The following TRMT5 variants were observed in gnomAD, a reference collection of about 807,000 sequenced individuals.
The protein encoded by TRMT5 is tRNA (guanine(37)-N(1))-methyltransferase.
TRMT5 carries 31 observed loss-of-function variants against 42.2 expected under a neutral mutation model. The ratio of observed to expected loss-of-function variants is 0.73; its 90% CI spans 0.55 to 0.99. The LOEUF (loss-of-function observed/expected upper bound fraction) is 0.99. Among genes scored for constraint, TRMT5 ranks in the 50% least tolerant of loss-of-function variants. TRMT5 has a pLI of 0.00. For missense variants in TRMT5, 568 were observed against 595.0 expected (o/e 0.95, Z 0.47); for synonymous variants, 198 against 209.6 (o/e 0.94, Z 0.48).
rs2036786007 is a variant in TRMT5 at position 60,972,268 on chromosome 14, C to A, written c.*2841G>T. On this transcript the variant is annotated 3_prime_UTR_variant, in exon 5 of 5. Transcript: ENST00000261249. ...CTTCACTTGGGATCTCCAGCACCTT[C>A]CCGCTCCTTGCCAGCATCAGCTTTT... The A allele has an allele frequency of 3.8e-6, 2 of 532,518 alleles. No individual in the cohort carries two copies. Among genetic ancestry groups the A allele is most frequent in the Non-Finnish European group, 7.5e-6 (2 of 266,856 alleles). The allele number at this position is 532,518 out of a possible 1,614,324, so 33.0% of individuals were successfully genotyped here.
upstream of TRMT5, chr14:60,981,226 A>T: frequency 6.4e-7 from 1 of 1,558,562 alleles, no homozygotes; most frequent in African/African-American, 1.4e-5. Flanking sequence ...ACTGGAGCGC[A>T]GGGCAGGGGT....
chr14:60,978,083 G>T (rs1174051133), intron 2 of TRMT5, among the ~76,000 whole-genome samples: 1 of 152,024 alleles, frequency 6.6e-6, no homozygotes, highest in South Asian at 2.1e-4. Flanking sequence ...CTATGGCTTT[G>T]GAACAAATGC....
intron 3 of TRMT5, among the ~76,000 whole-genome samples, chr14:60,976,342 G>A (rs1240549346): frequency 4.6e-5 from 7 of 152,130 alleles, no homozygotes; most frequent in African/African-American, 1.2e-4. Context: ...AGACTTATTC[G>A]TGAGAAAAAG....
At position 60,975,941 on chromosome 14, in the gene TRMT5, A is replaced by G. The variant is rs753406110; in HGVS notation, c.978T>C (p.Asn326=). ...ATTTATGAGATTCAGGATTGAGATC[A>G]TTGGCAAATACAGTGCAGTTTTTCT... is the stretch of plus-strand genomic sequence containing the variant. ...VAKKNCTVFA[N]DLNPESHKWL... is the part of the protein sequence containing the mutation. Residue 326 remains asparagine, a synonymous_variant, in exon 4 of 5, where the codon AAT becomes AAC. Transcript: ENST00000261249. 4 of 1,614,228 alleles carry G rather than the reference A, an allele frequency of 2.5e-6. No homozygotes were observed. The highest frequency in any genetic ancestry group is 8.5e-7 in the Non-Finnish European group (1 of 1,180,044).
intron 1 of TRMT5, 132 bp from the exon 2 acceptor site, chr14:60,980,018 T>C: frequency 9.7e-7 from 1 of 1,029,166 alleles, no homozygotes; most frequent in South Asian, 1.9e-5. Context: ...ATACTATCTT[T>C]TCCAGACTAG....
chr14:60,981,019 C>G lies in TRMT5; in HGVS notation c.-46G>C. 1 of 1,611,216 alleles carries G rather than the reference C, an allele frequency of 6.2e-7. No homozygotes were observed. Among genetic ancestry groups the G allele is most frequent in the Non-Finnish European group, 8.5e-7 (1 of 1,180,022 alleles). On this transcript the variant is annotated 5_prime_UTR_variant, in exon 1 of 5. Coordinates refer to ENST00000261249, the MANE Select transcript of TRMT5 (RefSeq NM_020810.3). ...TGCAGCTGGATCCGCGAGCCGACCCCTCACCTCCCGCTCCGGTACCGATCG... is the reference window on the plus strand; with the variant it reads ...TGCAGCTGGATCCGCGAGCCGACCCGTCACCTCCCGCTCCGGTACCGATCG...
chr14:60,975,006 A>G lies in TRMT5; in HGVS notation c.*103T>C. ...CAATTTGTAAAATAAGGCAAAGTACAAGGGTTCAATAGTAAAAACCAAACC... is the reference window on the plus strand; with the variant it reads ...CAATTTGTAAAATAAGGCAAAGTACGAGGGTTCAATAGTAAAAACCAAACC... On this transcript the variant is annotated 3_prime_UTR_variant, in exon 5 of 5. Coordinates refer to ENST00000261249, the MANE Select transcript of TRMT5 (RefSeq NM_020810.3). The G allele has an allele frequency of 1.2e-6, 1 of 839,732 alleles. No homozygotes were observed. The highest frequency in any genetic ancestry group is 1.8e-6 in the Non-Finnish European group (1 of 554,878). 52.0% of individuals were successfully genotyped at this position (839,732 alleles called of 1,614,324 possible).
At chr14:60,975,438 G>A (rs2036832226) in intron 4 of TRMT5, 37 bp downstream of exon 4, 1 of 1,585,222 alleles carries the variant, frequency 6.3e-7, no homozygotes, top group African/African-American at 1.4e-5. Context: ...ACAATTGAAT[G>A]GCAAGGTTTA....
chr14:60,977,127 TAA>T (rs1272356540), intron 3 of TRMT5, among the ~76,000 whole-genome samples: 1 of 152,170 alleles, frequency 6.6e-6, no homozygotes, highest in Admixed American at 6.5e-5. Context: ...TTCTGCCAAC[TAA>T]AAGTCTTTCT....
rs1382784227 is a variant in TRMT5, at chr14:60,974,995, A to G, written c.*114T>C. The G allele has an allele frequency of 3.0e-6, 2 of 670,286 alleles. No homozygotes were observed. The highest frequency in any genetic ancestry group is 4.6e-6 in the Non-Finnish European group (2 of 431,450). The allele number at this position is 670,286 out of a possible 1,614,324, so 41.5% of individuals were successfully genotyped here. On this transcript the variant is annotated 3_prime_UTR_variant, in exon 5 of 5. Coordinates refer to ENST00000261249, the MANE Select transcript of TRMT5 (RefSeq NM_020810.3). Reference sequence around the variant, plus strand: ...TTGGTAATCCTCAATTTGTAAAATAAGGCAAAGTACAAGGGTTCAATAGTA... The same window carrying G: ...TTGGTAATCCTCAATTTGTAAAATAGGGCAAAGTACAAGGGTTCAATAGTA...
Position 60,975,783 on chromosome 14 carries a change from T to C in TRMT5, c.1136A>G (p.Lys379Arg), listed in dbSNP as rs532068470. ...MQLLGLSKER[K>R]PSVHVVMNLP... Reference sequence around the variant, plus strand: ...GTTCATGACAACGTGCACAGAGGGTTTTCTTTCTTTTGACAGACCCAGCAG... The same window carrying C: ...GTTCATGACAACGTGCACAGAGGGTCTTCTTTCTTTTGACAGACCCAGCAG... Residue 379 changes from lysine to arginine, a missense_variant, in exon 4 of 5, where the codon AAA becomes AGA. By Grantham distance (26) the Lys-to-Arg change is conservative. Transcript: ENST00000261249. 57 of 1,614,238 alleles carry C rather than the reference T, an allele frequency of 3.5e-5. 1 individual carries two copies. The South Asian group carries it at 6.3e-4, about 18-fold the overall frequency.
chr14:60,981,173 C>T (rs772120941), upstream of TRMT5: 9 of 1,533,872 alleles, frequency 5.9e-6, no homozygotes, highest in African/African-American at 4.1e-5. Flanking sequence ...TACGGAATGC[C>T]GGAAGGGCCG....
In TRMT5 at chr14:60,980,661, C is replaced by A. The variant is rs2036948353; in HGVS notation, c.11+302G>T. ...ACTTGTAAGGGGAAAGGGCCCTGTC[C>A]CAGAATCCTGTAAAGCAACGAAGTC... On this transcript the variant is annotated intron_variant, in intron 1 of 4. Transcript: ENST00000261249. 2.6e-5 allele frequency among the ~76,000 whole-genome samples: 4 copies of A among 152,136 alleles called. No individual in the cohort carries two copies. The South Asian group carries it at 8.3e-4, about 32-fold the overall frequency.
chr14:60,975,965 C>T lies in TRMT5; in HGVS notation c.954G>A (p.Lys318=). Residue 318 remains lysine, a synonymous_variant, in exon 4 of 5, where the codon AAG becomes AAA. Coordinates refer to ENST00000261249, the MANE Select transcript of TRMT5 (RefSeq NM_020810.3). ...GVGPFAIPVA[K]KNCTVFANDL... ...CATTGGCAAATACAGTGCAGTTTTT[C>T]TTTGCTACTGGAATGGCAAAGGGCC... is the stretch of plus-strand genomic sequence containing the variant. The T allele has an allele frequency of 6.2e-7, 1 of 1,614,142 alleles. No individual in the cohort carries two copies. The highest frequency in any genetic ancestry group is 1.1e-5 in the South Asian group (1 of 91,076).
chr14:60,978,957 A>G (rs1415622310), intron 2 of TRMT5, among the ~76,000 whole-genome samples: 1 of 152,140 alleles, frequency 6.6e-6, no homozygotes, highest in African/African-American at 2.4e-5. Flanking sequence ...TCTCTCCTCA[A>G]TGTAGCTGCC....
At chr14:60,979,061 T>C (rs890242302) in intron 2 of TRMT5, among the ~76,000 whole-genome samples, 170 bp downstream of exon 2, 3 of 152,148 alleles carry the variant, frequency 2.0e-5, no homozygotes, top group Non-Finnish European at 4.4e-5. Flanking sequence ...AAAGAAGATA[T>C]TTCAAAATGG....
intron 3 of TRMT5, among the ~76,000 whole-genome samples, chr14:60,976,631 T>C (rs2036851951): frequency 6.6e-6 from 1 of 152,214 alleles, no homozygotes; most frequent in Non-Finnish European, 1.5e-5. Flanking sequence ...CCATGGTAGA[T>C]GTGTCACTCA....
Position 60,975,632 on chromosome 14 carries a change from C to T in TRMT5, c.1287G>A (p.Glu429=). ...CAGCTCCAGCCCTTTGCCGAACATCCTCAGCAGGGTTAGCATCTTTGGAAA... is the reference window on the plus strand; with the variant it reads ...CAGCTCCAGCCCTTTGCCGAACATCTTCAGCAGGGTTAGCATCTTTGGAAA... ...YSFSKDANPA[E]DVRQRAGAVL... is the part of the protein sequence containing the mutation. The change falls in exon 4 of 5, where the codon GAG becomes GAA. Residue 429 remains glutamate (E), a synonymous_variant. Transcript: ENST00000261249. The T allele has an allele frequency of 1.2e-6, 2 of 1,614,206 alleles. No homozygotes were observed. The highest frequency in any genetic ancestry group is 2.7e-5 in the African/African-American group (2 of 75,050).
Position 60,978,254 on chromosome 14 carries a change from T to G in TRMT5, c.668-616A>C, listed in dbSNP as rs150578504. ...CATTTGATGAATCTATTTTTTTAGT[T>G]AGCACTTTAAAAAAGTTATAAAAAT... On this transcript the variant is annotated intron_variant, in intron 2 of 4. Transcript: ENST00000261249. 1.8e-3 allele frequency among the ~76,000 whole-genome samples: 268 copies of G among 152,358 alleles called. 1 individual carries two copies. Among genetic ancestry groups the G allele is most frequent in the African/African-American group, 6.1e-3 (254 of 41,584 alleles).
Sources: allele counts gnomAD v4.1 joint callset (sites outside exome capture counted in the v4.1 genomes callset), GRCh38; gene constraint gnomAD v4.1.1; transcripts MANE v1.5; gene names NCBI Gene and HGNC (gene_info 2026-07-23, HGNC 2026-07-21).